Variants in ZNF808 observed in about 807,000 individuals in gnomAD.
The protein encoded by ZNF808 is zinc finger protein 808.
In ZNF808, 5 loss-of-function variants were observed where a neutral mutation model predicts 8.7. That is an observed-to-expected ratio of 0.58 (90% CI 0.30 to 1.21). ZNF808 has a LOEUF of 1.21. Ranked by LOEUF, ZNF808 falls within the 50% of genes most tolerant of loss-of-function variation. The pLI is 0.07. For missense variants in ZNF808, 1,103 were observed against 1,098.4 expected (o/e 1.00, Z -0.06); for synonymous variants, 380 against 366.0 (o/e 1.04, Z -0.44).
rs759399598 is a variant in ZNF808, at chr19:52,554,546, T to A, written c.1630T>A (p.Cys544Ser). 5.6e-6 allele frequency: 9 copies of A among 1,613,952 alleles called. No individual in the cohort carries two copies. Among genetic ancestry groups the A allele is most frequent in the Non-Finnish European group, 6.8e-6 (8 of 1,179,960 alleles). ...AGAGAAATCTTACAAATGTACGGTTTGTAACAAGGTTTTCATGCGTAATTC... is the reference window on the plus strand; with the variant it reads ...AGAGAAATCTTACAAATGTACGGTTAGTAACAAGGTTTTCATGCGTAATTC... ...TLEKSYKCTV[C>S]NKVFMRNSVL... The change falls in exon 5 of 5, where the codon TGT becomes AGT. Residue 544 changes from cysteine (C) to serine (S), a missense_variant. Cys to Ser is a moderately radical substitution (Grantham distance 112, BLOSUM62 -1). Coordinates refer to ENST00000359798, the MANE Select transcript of ZNF808 (RefSeq NM_001039886.4).
intron 2 of ZNF808, among the ~76,000 whole-genome samples, chr19:52,539,570 T>A (rs2059649923): frequency 6.8e-6 from 1 of 146,694 alleles, no homozygotes; most frequent in Admixed American, 6.8e-5. Context: ...TTTTTTTTTT[T>A]TTTGACGGAG....
chr19:52,542,239 G>C (rs1037446230), intron 2 of ZNF808, among the ~76,000 whole-genome samples: 1 of 151,988 alleles, frequency 6.6e-6, no homozygotes, highest in African/African-American at 2.4e-5. Flanking sequence ...GATCACAGTC[G>C]ACTTTCAAAA....
intron 4 of ZNF808, among the ~76,000 whole-genome samples, chr19:52,550,886 GC>G (rs1361010897): frequency 2.7e-5 from 4 of 150,192 alleles, no homozygotes; most frequent in East Asian, 3.9e-4. Context: ...ATGATGAGAT[GC>G]CCCTTTTCCT....
At chr19:52,561,188 CTCTCTCTCTCTCTCTCTCTCTCTCTA>C (rs1351681055), downstream of ZNF808, among the ~76,000 whole-genome samples, 26 of 76,722 alleles carry the variant, frequency 3.4e-4, no homozygotes, top group Middle Eastern at 6.7e-3. Flanking sequence ...CTCTCTCTCT[CTCTCTCTCTCTCTCTCTCTCTCTCTA>C]TATATATATA....
chr19:52,558,590 T>A (rs1220740011), downstream of ZNF808, among the ~76,000 whole-genome samples: 1 of 151,452 alleles, frequency 6.6e-6, no homozygotes, highest in African/African-American at 2.4e-5. Flanking sequence ...CAGGCTGGTC[T>A]TGAACTCCTG....
Position 52,549,180 on chromosome 19 carries a change from A to T in ZNF808, c.190+1542A>T, listed in dbSNP as rs577944954. Among the ~76,000 whole-genome samples, 454 of 152,126 alleles carry T rather than the reference A, an allele frequency of 3.0e-3. 1 individual carries two copies. Among genetic ancestry groups the T allele is most frequent in the Middle Eastern group, 0.014 (4 of 294 alleles). On this transcript the variant is annotated intron_variant, in intron 4 of 4. Transcript: ENST00000359798. The stretch of plus-strand genomic sequence containing the variant: ...TTTTTAGTAGAGACAGTGTTTCACC[A>T]TGCTGGCCTGGCCGGTCTTGAACTC...
intron 1 of ZNF808, among the ~76,000 whole-genome samples, chr19:52,531,755 T>C (rs1599948109): frequency 7.2e-3 from 1 of 138 alleles, no homozygotes; most frequent in East Asian, 0.17. Context: ...TGTTTTATAT[T>C]TTACACACAG....
rs184584598 is a variant in ZNF808, at chr19:52,562,832, G to A, written c.*423-486G>A. On this transcript the variant is annotated intron_variant and NMD_transcript_variant, in intron 3 of 3. Transcript: ENST00000487863. ...CCTGTTACCCAGGCTGGAGTGCAATGGCATGATCTCGGCTCACTGCAACCT... is the reference window on the plus strand; with the variant it reads ...CCTGTTACCCAGGCTGGAGTGCAATAGCATGATCTCGGCTCACTGCAACCT... 1.2e-3 allele frequency among the ~76,000 whole-genome samples: 180 copies of A among 152,114 alleles called. No individual in the cohort carries two copies. In the East Asian group the frequency reaches 0.02, roughly 17 times the overall value.
intron 4 of ZNF808, among the ~76,000 whole-genome samples, chr19:52,547,913 A>G (rs1414381611): frequency 1.3e-5 from 2 of 151,262 alleles, no homozygotes; most frequent in Admixed American, 6.6e-5. Flanking sequence ...CTAATTTTGT[A>G]TTTTTAGTGG....
intron 2 of ZNF808, among the ~76,000 whole-genome samples, chr19:52,534,217 G>C (rs1599952799): frequency 6.6e-6 from 1 of 152,142 alleles, no homozygotes; most frequent in Admixed American, 6.6e-5. Context: ...TTTTGTATTA[G>C]GCTTAGTGTT....
chr19:52,567,490 TTA>T (rs2059875859), downstream of ZNF808, among the ~76,000 whole-genome samples: 4 of 11,844 alleles, frequency 3.4e-4, no homozygotes, highest in Admixed American at 5.6e-4. Context: ...GTATTTTTTA[TTA>T]TTATTATTAT....
chr19:52,552,986 C>T, intron 4 of ZNF808, 121 bp from the exon 5 acceptor site: 1 of 1,369,530 alleles, frequency 7.3e-7, no homozygotes, highest in Non-Finnish European at 9.6e-7. Context: ...TGTTCCTAAA[C>T]TTTGAATATC....
At chr19:52,563,532 A>G (rs2059864306) in exon 4 of ZNF808, 4 of 152,538 alleles carry the variant, frequency 2.6e-5, no homozygotes, top group Admixed American at 2.6e-4. Flanking sequence ...GATGCTGTCT[A>G]AAAAAGAATA....
intron 2 of ZNF808, among the ~76,000 whole-genome samples, chr19:52,540,027 A>G (rs1223404237): frequency 6.6e-6 from 1 of 151,584 alleles, no homozygotes; most frequent in East Asian, 2.0e-4. Flanking sequence ...AGATATATGT[A>G]TTTATTTATT....
At chr19:52,549,977 G>A (rs2059760020) in intron 4 of ZNF808, among the ~76,000 whole-genome samples, 1 of 152,128 alleles carries the variant, frequency 6.6e-6, no homozygotes, top group Non-Finnish European at 1.5e-5. Flanking sequence ...GCAGCTCAGC[G>A]CTTGTGTCCC....
rs2059732443 is a variant in ZNF808 at position 52,547,402 on chromosome 19, A to G, written c.64-110A>G. 1.9e-6 allele frequency: 3 copies of G among 1,571,610 alleles called. No individual in the cohort carries two copies. The African/African-American group carries it at 4.1e-5, about 22-fold the overall frequency. On this transcript the variant is annotated intron_variant, in intron 3 of 4. Transcript: ENST00000359798. ...AAAAATACCTTAACATCCTTTTGTC[A>G]GAACACAGTCTTTGATCAAATAAAT...
At chr19:52,544,762 A>G (rs567260660) in intron 3 of ZNF808, among the ~76,000 whole-genome samples, 68 of 152,048 alleles carry the variant, frequency 4.5e-4, no homozygotes, top group African/African-American at 1.5e-3. Flanking sequence ...TGGCATTCCA[A>G]ATGGGAGACA....
At chr19:52,543,028 C>T (rs986626727) in intron 2 of ZNF808, among the ~76,000 whole-genome samples, 1 of 151,848 alleles carries the variant, frequency 6.6e-6, no homozygotes, top group Non-Finnish European at 1.5e-5. Flanking sequence ...CAGCCCAGGT[C>T]CCCCCTGCTG....
Position 52,554,495 on chromosome 19 carries a change from G to T in ZNF808, c.1579G>T (p.Val527Leu). 3 of 1,614,118 alleles carry T rather than the reference G, an allele frequency of 1.9e-6. No homozygotes were observed. Among genetic ancestry groups the T allele is most frequent in the Non-Finnish European group, 2.5e-6 (3 of 1,180,024 alleles). The change falls in exon 5 of 5, where the codon GTA (valine) becomes TTA (leucine). Residue 527 changes from valine (V) to leucine (L), a missense_variant. Transcript: ENST00000359798. ...GNTFRHRASLVYHRRLHTLEK... is the reference protein window; with the variant it reads ...GNTFRHRASLLYHRRLHTLEK... ...TACCTTCCGTCACCGGGCATCCCTT[G>T]TATACCATCGTAGACTTCACACTCT... is the stretch of plus-strand genomic sequence containing the variant.
Sources: gnomAD v4.1 joint callset for allele counts (sites outside exome capture counted in the v4.1 genomes callset) on GRCh38, gnomAD v4.1.1 for gene constraint, MANE v1.5 for transcripts, NCBI Gene and HGNC (gene_info 2026-07-23, HGNC 2026-07-21) for gene names.